Variants in LRP2 observed in about 807,000 individuals in gnomAD.
LRP2 encodes the protein low-density lipoprotein receptor-related protein 2.
LRP2 carries 172 observed loss-of-function variants against 531.0 expected under a neutral mutation model. That is an observed-to-expected ratio of 0.32 (90% CI 0.29 to 0.37). The LOEUF (loss-of-function observed/expected upper bound fraction) is 0.37. Among genes scored for constraint, LRP2 ranks in the 10% least tolerant of loss-of-function variants. The pLI is 1.00. For synonymous variants in LRP2, 1,992 were observed against 2,027.6 expected, an observed-to-expected ratio of 0.98 and a Z score of 0.47; for missense variants, 5,167 against 5,868.3, an observed-to-expected ratio of 0.88 and a Z score of 3.90.
chr2:169,309,003 T>C (rs1360105552), intron 3 of LRP2, among the ~76,000 whole-genome samples: 1 of 152,240 alleles, frequency 6.6e-6, no homozygotes, highest in Non-Finnish European at 1.5e-5. Context: ...ATGTGTCTGT[T>C]GGCTGCATAA....
At chr2:169,174,409 G>A (rs1687112582) in intron 55 of LRP2, among the ~76,000 whole-genome samples, 1 of 152,168 alleles carries the variant, frequency 6.6e-6, no homozygotes, top group Non-Finnish European at 1.5e-5. Flanking sequence ...ACCCTGACCT[G>A]TTAAGCATAC....
intron 3 of LRP2, among the ~76,000 whole-genome samples, chr2:169,315,024 G>A (rs1459307514): frequency 6.6e-6 from 1 of 152,128 alleles, no homozygotes; most frequent in African/African-American, 2.4e-5. Flanking sequence ...TTTACGTCAA[G>A]CCCAAATAAT....
At chr2:169,291,146 TC>T in intron 7 of LRP2, 149 bp from the exon 8 acceptor site, 1 of 695,908 alleles carries the variant, frequency 1.4e-6, no homozygotes, top group Non-Finnish European at 2.4e-6. Flanking sequence ...GATTTCTAAC[TC>T]TACCACTAGT....
intron 53 of LRP2, among the ~76,000 whole-genome samples, chr2:169,177,367 T>A (rs1040075372): frequency 1.3e-5 from 2 of 152,194 alleles, no homozygotes; most frequent in African/African-American, 2.4e-5. Flanking sequence ...GACATTATCT[T>A]CTAGAAGATA....
At chr2:169,146,009 G>T in intron 69 of LRP2, 86 bp from the exon 70 acceptor site, 1 of 1,206,806 alleles carries the variant, frequency 8.3e-7, no homozygotes, top group Non-Finnish European at 1.2e-6. Flanking sequence ...TAGATCTGAT[G>T]TCATTCTGCT....
intron 25 of LRP2, among the ~76,000 whole-genome samples, chr2:169,240,027 C>G (rs1689748632): frequency 6.6e-6 from 1 of 152,162 alleles, no homozygotes; most frequent in African/African-American, 2.4e-5. Flanking sequence ...AATAGTATAA[C>G]TCCATTTAAT....
chr2:169,254,643 T>TAAAAAAAAAAAAAAA (rs528767921), intron 19 of LRP2, among the ~76,000 whole-genome samples: 29 of 73,180 alleles, frequency 4.0e-4, no homozygotes, highest in Admixed American at 1.0e-3. Context: ...TAGAGTATAA[T>TAAAAAAAAAAAAAAA]AAAAAAAAAA....
intron 61 of LRP2, among the ~76,000 whole-genome samples, chr2:169,166,493 C>T (rs1007803686): frequency 6.6e-6 from 1 of 152,136 alleles, no homozygotes. Context: ...ACAATGGTGG[C>T]TGTGAGGCTG....
intron 1 of LRP2, among the ~76,000 whole-genome samples, chr2:169,348,726 A>G (rs1433559711): frequency 6.6e-6 from 1 of 152,226 alleles, no homozygotes. Flanking sequence ...CAGGGTAACC[A>G]AGTATCTGGG....
At chr2:169,133,693 CGCTGGG>C (rs1337574053) in intron 76 of LRP2, among the ~76,000 whole-genome samples, 1 of 152,148 alleles carries the variant, frequency 6.6e-6, no homozygotes, top group African/African-American at 2.4e-5. Flanking sequence ...GTAAAAGTGG[CGCTGGG>C]GCTATTGATG....
intron 1 of LRP2, among the ~76,000 whole-genome samples, chr2:169,325,313 T>G (rs1307210257): frequency 6.6e-6 from 1 of 152,214 alleles, no homozygotes; most frequent in African/African-American, 2.4e-5. Flanking sequence ...GGAGGTACAG[T>G]CCTCTTTTTA....
Position 169,257,191 on chromosome 2 carries a change from C to T in LRP2, c.2572G>A (p.Gly858Arg). The T allele has an allele frequency of 1.2e-6, 2 of 1,612,646 alleles. No homozygotes were observed. Among genetic ancestry groups the T allele is most frequent in the Non-Finnish European group, 1.7e-6 (2 of 1,179,012 alleles). Reference sequence around the variant, plus strand: ...TTTATTACAGGCAAGAGGTGAGATCCGTCACTCCATGCTCTCATAATTTTA... The same window carrying T: ...TTTATTACAGGCAAGAGGTGAGATCTGTCACTCCATGCTCTCATAATTTTA... ...PAKIMRAWSD[G>R]SHLLPVINTT... The change falls in exon 18 of 79, where the codon GGA becomes AGA. Residue 858 changes from glycine to arginine, a missense_variant. Gly to Arg is a moderately radical substitution (Grantham distance 125, BLOSUM62 -2). This residue lies in a region of LRP2 where 2,811 missense variants were observed against 3,058.0 expected (regional missense o/e 0.92). Coordinates refer to ENST00000649046, the MANE Select transcript of LRP2 (RefSeq NM_004525.3).
intron 33 of LRP2, among the ~76,000 whole-genome samples, chr2:169,220,817 G>T (rs963336177): frequency 6.6e-6 from 1 of 152,040 alleles, no homozygotes; most frequent in African/African-American, 2.4e-5. Flanking sequence ...ATTTCAGGAG[G>T]GAACATTTTT....
At chr2:169,259,981 T>C (rs1690481509) in intron 16 of LRP2, among the ~76,000 whole-genome samples, 1 of 152,146 alleles carries the variant, frequency 6.6e-6, no homozygotes, top group African/African-American at 2.4e-5. Context: ...ATATTGTTAG[T>C]AGTGTTAATA....
At chr2:169,352,643 C>T (rs1685880072) in intron 1 of LRP2, among the ~76,000 whole-genome samples, 2 of 152,108 alleles carry the variant, frequency 1.3e-5, no homozygotes, top group East Asian at 1.9e-4. Context: ...GGTTGTGGCA[C>T]ATATGCACCA....
intron 53 of LRP2, among the ~76,000 whole-genome samples, chr2:169,177,201 C>T (rs1337154128): frequency 2.0e-5 from 3 of 152,160 alleles, no homozygotes; most frequent in African/African-American, 7.2e-5. Flanking sequence ...AGCAGACCCA[C>T]AAAAACCAGT....
At chr2:169,355,987 C>T (rs1001770478) in intron 1 of LRP2, among the ~76,000 whole-genome samples, 2 of 152,118 alleles carry the variant, frequency 1.3e-5, no homozygotes, top group Non-Finnish European at 2.9e-5. Flanking sequence ...ACCTCCTGGG[C>T]TCAAGCGATC....
At chr2:169,165,786 T>C (rs1686759261) in intron 62 of LRP2, 146 bp downstream of exon 62, 8 of 965,104 alleles carry the variant, frequency 8.3e-6, no homozygotes, top group Non-Finnish European at 1.2e-5. Flanking sequence ...TGTGTTTGCA[T>C]GGTCTTGTAA....
chr2:169,213,952 T>A, intron 35 of LRP2, 82 bp from the exon 36 acceptor site: 1 of 925,038 alleles, frequency 1.1e-6, no homozygotes, highest in Non-Finnish European at 1.8e-6. Flanking sequence ...CTCCTAATTA[T>A]AATGTCTCAC....
Sources: allele counts gnomAD v4.1 joint callset (sites outside exome capture counted in the v4.1 genomes callset), GRCh38; gene constraint gnomAD v4.1.1; regional missense constraint gnomAD v4.1.1; transcripts MANE v1.5; gene names NCBI Gene and HGNC (gene_info 2026-07-23, HGNC 2026-07-21).